Variants in LMNB2 observed in about 807,000 individuals in gnomAD.
LMNB2 encodes the protein lamin-B2.
In LMNB2, 17 loss-of-function variants were observed where a neutral mutation model predicts 69.3. The ratio of observed to expected loss-of-function variants is 0.25; its 90% CI spans 0.17 to 0.37. LMNB2 has a LOEUF of 0.37. LMNB2 is among the 10% of genes least tolerant of loss of function. The pLI, the probability that LMNB2 is intolerant of heterozygous loss-of-function variation, is 1.00. For synonymous variants in LMNB2, 397 were observed against 389.3 expected (o/e 1.02, Z -0.23); for missense variants, 789 against 883.6 (o/e 0.89, Z 1.36).
intron 11 of LMNB2, 122 bp downstream of exon 11, chr19:2,431,426 G>A (rs1971737766): frequency 1.6e-6 from 2 of 1,289,594 alleles, no homozygotes; most frequent in Non-Finnish European, 2.2e-6. Flanking sequence ...TTCACCCTGA[G>A]CCACGGCAGC....
In LMNB2 at chr19:2,429,367, T is replaced by C. The variant is rs1971703712; in HGVS notation, c.*1544A>G. 6.6e-6 allele frequency: 1 copy of C among 152,194 alleles called. No homozygotes were observed. The highest frequency in any genetic ancestry group is 1.5e-5 in the Non-Finnish European group (1 of 68,042). The allele number at this position is 152,194 out of a possible 1,614,324, so 9.4% of individuals were successfully genotyped here. ...GGCGTAGCCTCCAGGAGGAAATGCT[T>C]TGGTAAGATGCGCCCCCCTCTATCT... On this transcript the variant is annotated 3_prime_UTR_variant, in exon 12 of 12. Transcript: ENST00000325327.
intron 1 of LMNB2, among the ~76,000 whole-genome samples, chr19:2,452,020 C>T (rs369591787): frequency 5.9e-4 from 90 of 152,198 alleles, no homozygotes; most frequent in African/African-American, 2.0e-3. Flanking sequence ...CTGCCTCTCC[C>T]GCGCCTGGAC....
intron 2 of LMNB2, among the ~76,000 whole-genome samples, chr19:2,442,108 C>T (rs1042325810): frequency 2.0e-5 from 3 of 152,110 alleles, no homozygotes; most frequent in East Asian, 1.9e-4. Context: ...AGGTCCTGCA[C>T]GCTGCTCCCA....
intron 2 of LMNB2, among the ~76,000 whole-genome samples, chr19:2,441,295 C>G (rs1971897903): frequency 6.6e-6 from 1 of 152,260 alleles, no homozygotes; most frequent in Admixed American, 6.5e-5. Context: ...CGCTCTGGCG[C>G]TGGACCTGGT....
chr19:2,444,531 T>G lies in LMNB2; in HGVS notation c.274A>C (p.Ile92Leu), dbSNP rs1482737201. 1 of 1,610,546 alleles carries G rather than the reference T, an allele frequency of 6.2e-7. No homozygotes were observed. The highest frequency in any genetic ancestry group is 8.5e-7 in the Non-Finnish European group (1 of 1,180,002). The change falls in exon 2 of 12, where the codon ATC becomes CTC. Residue 92 changes from isoleucine to leucine, a missense_variant. Physicochemically the swap from Ile to Leu is conservative, Grantham distance 5 (BLOSUM62 2). This residue lies in a region of LMNB2 where 145 missense variants were observed against 228.9 expected (regional missense o/e 0.63). Coordinates refer to ENST00000325327, the MANE Select transcript of LMNB2 (RefSeq NM_032737.4). ...EEVTTREVSG[I>L]KALYESELAD... ...AGCTCCGACTCGTACAGCGCCTTGA[T>G]GCCACTCACCTGGGGAGACCCAGGA...
rs767477477 is a variant in LMNB2 at position 2,431,870 on chromosome 19, G to T, written c.1623C>A (p.Ser541Arg). ...VWAAGAGVAH[S>R]PPSTLVWKGQ... is the part of the protein sequence containing the mutation. ...CCTTCCACACCAGCGTCGAGGGGGG[G>T]CTGTGGGCCACCCCCGCACCAGCTG... Residue 541 changes from serine (S) to arginine (R), a missense_variant, in exon 10 of 12, where the codon AGC becomes AGA. Around this residue, in one of 3 missense-constraint regions of LMNB2, gnomAD observed 609 missense variants for 630.9 expected, o/e 0.97. Transcript: ENST00000325327. 6.2e-7 allele frequency: 1 copy of T among 1,612,916 alleles called. No homozygotes were observed. The highest frequency in any genetic ancestry group is 2.2e-5 in the East Asian group (1 of 44,870).
Position 2,447,738 on chromosome 19 carries a change from T to A in LMNB2, c.265-3198A>T, listed in dbSNP as rs138072217. ...CTGCATCTGGAGGGCCACACCCCCA[T>A]GTTACAGGCGAGGCTCCTGTGCAGA... On this transcript the variant is annotated intron_variant, in intron 1 of 11. Transcript: ENST00000325327. This position sits in a 1 kb window ranked among gnomAD's most constrained non-coding sequence, Gnocchi z 4.4. 6.6e-6 allele frequency among the ~76,000 whole-genome samples: 1 copy of A among 152,162 alleles called. No individual in the cohort carries two copies. Among genetic ancestry groups the A allele is most frequent in the East Asian group, 1.9e-4 (1 of 5,180 alleles).
chr19:2,451,569 T>C (rs1211507079), intron 1 of LMNB2, among the ~76,000 whole-genome samples: 2 of 152,172 alleles, frequency 1.3e-5, no homozygotes, highest in African/African-American at 2.4e-5. Flanking sequence ...GACGGCCTCC[T>C]TGTGCTTGTG....
intron 2 of LMNB2, among the ~76,000 whole-genome samples, chr19:2,442,777 C>T (rs1456171279): frequency 6.6e-6 from 1 of 152,048 alleles, no homozygotes; most frequent in Non-Finnish European, 1.5e-5. Flanking sequence ...TCTGTAGATG[C>T]CACGCACTGC....
In LMNB2 at chr19:2,447,906, C is replaced by T. The variant is rs1002579487; in HGVS notation, c.265-3366G>A. 2.6e-5 allele frequency among the ~76,000 whole-genome samples: 4 copies of T among 152,200 alleles called. No homozygotes were observed. Among genetic ancestry groups the T allele is most frequent in the Non-Finnish European group, 5.9e-5 (4 of 68,048 alleles). ...GCCCCAGCACCGCAGCTCCAAGTCC[C>T]GTCAGCCTACAGTGGGGCGGGATAA... On this transcript the variant is annotated intron_variant, in intron 1 of 11. Transcript: ENST00000325327. The surrounding 1 kb of genome is among the most constrained non-coding windows in gnomAD (Gnocchi z 4.4).
intron 4 of LMNB2, chr19:2,436,666 C>T (rs1302141382): frequency 6.5e-6 from 1 of 152,692 alleles, no homozygotes; most frequent in African/African-American, 2.5e-5. Context: ...GCCGCCCTCT[C>T]GCCTCCACGG....
rs1051482593 is a variant in LMNB2 at position 2,443,720 on chromosome 19, G to A, written c.401+684C>T. Among the ~76,000 whole-genome samples the A allele has an allele frequency of 3.3e-5, 5 of 152,190 alleles. No individual in the cohort carries two copies. Among genetic ancestry groups the A allele is most frequent in the African/African-American group, 1.2e-4 (5 of 41,446 alleles). ...AGCCTCACATCAAGAAAAGCCTTGA[G>A]CTCAGTGTTTCATTGGCCTCCTGGC... On this transcript the variant is annotated intron_variant, in intron 2 of 11. Transcript: ENST00000325327. The surrounding 1 kb of genome is among the most constrained non-coding windows in gnomAD (Gnocchi z 6.2).
intron 9 of LMNB2, 86 bp downstream of exon 9, chr19:2,432,330 C>CCCCCCCCAGT: frequency 3.5e-6 from 3 of 859,452 alleles, no homozygotes; most frequent in South Asian, 2.7e-5. Context: ...CCCCACCCAC[C>CCCCCCCCAGT]CCCGCCAAGT....
At chr19:2,441,872 G>A (rs952780531) in intron 2 of LMNB2, among the ~76,000 whole-genome samples, 1 of 152,242 alleles carries the variant, frequency 6.6e-6, no homozygotes, top group Non-Finnish European at 1.5e-5. Context: ...GGGGTGAGGT[G>A]GAAGAGGCAG....
intron 2 of LMNB2, among the ~76,000 whole-genome samples, chr19:2,440,286 G>T (rs563167930): frequency 6.6e-6 from 1 of 151,664 alleles, no homozygotes; most frequent in Non-Finnish European, 1.5e-5. Flanking sequence ...CACCTCCCGG[G>T]TTCAAGCGAT....
At chr19:2,441,600 C>T (rs150466068) in intron 2 of LMNB2, among the ~76,000 whole-genome samples, 40 of 152,330 alleles carry the variant, frequency 2.6e-4, no homozygotes, top group African/African-American at 9.1e-4. Flanking sequence ...GGGCAAATCC[C>T]GAGTGCCCGC....
In LMNB2 at chr19:2,434,804, G is replaced by A. The variant is rs760403121; in HGVS notation, c.965C>T (p.Ser322Phe). 10 of 1,607,866 alleles carry A rather than the reference G, an allele frequency of 6.2e-6. No individual in the cohort carries two copies. The highest frequency in any genetic ancestry group is 6.8e-6 in the Non-Finnish European group (8 of 1,178,488). Residue 322 changes from serine to phenylalanine, a missense_variant, in exon 6 of 12, where the codon TCC becomes TTC. Physicochemically the swap from Ser to Phe is radical, Grantham distance 155. This residue lies in a region of LMNB2 where 609 missense variants were observed against 630.9 expected (regional missense o/e 0.97). Coordinates refer to ENST00000325327, the MANE Select transcript of LMNB2 (RefSeq NM_032737.4). ...GCTCATCACCTGCTTCTGGAGGCCG[G>A]AGAGCTGGTAGCTGAGGGACTCCAG... ...MRLESLSYQL[S>F]GLQKQASAAE...
chr19:2,441,405 C>T (rs1216754225), intron 2 of LMNB2, among the ~76,000 whole-genome samples: 2 of 152,234 alleles, frequency 1.3e-5, no homozygotes, highest in Admixed American at 6.5e-5. Context: ...CACCCCTGTC[C>T]GCAGCCCTCA....
In LMNB2 at chr19:2,438,143, A is replaced by G. The variant is rs368241486; in HGVS notation, c.684+20T>C. 30 of 1,613,270 alleles carry G rather than the reference A, an allele frequency of 1.9e-5. No homozygotes were observed. The highest frequency in any genetic ancestry group is 2.5e-5 in the Non-Finnish European group (29 of 1,180,020). On this transcript the variant is annotated intron_variant, in intron 4 of 11. Coordinates refer to ENST00000325327, the MANE Select transcript of LMNB2 (RefSeq NM_032737.4). ...TTGCGTTTCCGCTGTGCCAGGCTGG[A>G]GGCCAGGCCACTCACTCACCTCCTC...
Sources: allele counts gnomAD v4.1 joint callset (sites outside exome capture counted in the v4.1 genomes callset), GRCh38; gene constraint gnomAD v4.1.1; regional missense constraint gnomAD v4.1.1; non-coding constraint Gnocchi (gnomAD v3.1); transcripts MANE v1.5; gene names NCBI Gene and HGNC (gene_info 2026-07-23, HGNC 2026-07-21).